The following NMNAT3 variants were observed in gnomAD, a reference collection of about 807,000 sequenced individuals.
NMNAT3 encodes nicotinamide nucleotide adenylyltransferase 3, also known as nicotinamide/nicotinic acid mononucleotide adenylyltransferase 3.
In NMNAT3, 21 loss-of-function variants were observed where a neutral mutation model predicts 24.8. The observed-to-expected ratio is 0.85, with a 90% confidence interval of 0.60 to 1.22. The LOEUF is 1.22. Among genes scored for constraint, NMNAT3 ranks in the 50% most tolerant of loss-of-function variants. The probability of loss-of-function intolerance (pLI) is 0.00; values close to 1 mark genes in which losing one functional copy is unlikely to be tolerated. For missense variants in NMNAT3, 387 were observed against 436.6 expected (o/e 0.89, Z 1.01); for synonymous variants, 136 against 155.2 (o/e 0.88, Z 0.92).
intron 1 of NMNAT3, among the ~76,000 whole-genome samples, chr3:139,664,868 T>C (rs1265656184): frequency 6.6e-6 from 1 of 152,162 alleles, no homozygotes; most frequent in African/African-American, 2.4e-5. Flanking sequence ...ATACATTTCC[T>C]AGCAAAAACA....
intron 2 of NMNAT3, chr3:139,636,465 C>G (rs937413163): frequency 6.6e-6 from 1 of 152,216 alleles, no homozygotes; most frequent in Admixed American, 6.5e-5. Flanking sequence ...AAACCAGACG[C>G]TGTCCTATGT....
intron 3 of NMNAT3, among the ~76,000 whole-genome samples, chr3:139,595,937 C>G (rs1485372042): frequency 6.6e-6 from 1 of 152,166 alleles, no homozygotes; most frequent in East Asian, 1.9e-4. Context: ...AAAGCAATGG[C>G]AACAAAAGCC....
At chr3:139,591,479 G>GGCCT (rs2054176295) in intron 3 of NMNAT3, among the ~76,000 whole-genome samples, 1 of 152,158 alleles carries the variant, frequency 6.6e-6, no homozygotes, top group South Asian at 2.1e-4. Flanking sequence ...AGCTCAAGGA[G>GGCCT]GCCTGCCTGC....
intron 1 of NMNAT3, among the ~76,000 whole-genome samples, chr3:139,649,743 C>T (rs964575674): frequency 6.6e-6 from 1 of 152,108 alleles, no homozygotes; most frequent in Non-Finnish European, 1.5e-5. Flanking sequence ...TCTGAGTGCA[C>T]CCCAAAACAC....
intron 3 of NMNAT3, among the ~76,000 whole-genome samples, chr3:139,605,295 A>G (rs1451157541): frequency 6.6e-6 from 1 of 152,148 alleles, no homozygotes; most frequent in Non-Finnish European, 1.5e-5. Context: ...AACTCTTTCA[A>G]TATACAAATA....
intron 1 of NMNAT3, among the ~76,000 whole-genome samples, chr3:139,641,450 G>T (rs1464570304): frequency 6.6e-6 from 1 of 152,118 alleles, no homozygotes; most frequent in Non-Finnish European, 1.5e-5. Context: ...GAACAGAGAG[G>T]CTGTCCAGAG....
At position 139,573,595 on chromosome 3, in the gene NMNAT3, C is replaced by T. The variant is rs1477304284; in HGVS notation, c.658+3G>A. ...TCCTACAGACAAGAGGATCAGCACCCACCTGCAGGGGTCGAGAAGAGTGCC... is the reference window on the plus strand; with the variant it reads ...TCCTACAGACAAGAGGATCAGCACCTACCTGCAGGGGTCGAGAAGAGTGCC... On this transcript the variant is annotated splice_donor_region_variant and intron_variant, in intron 6 of 6. Coordinates refer to ENST00000643695, the MANE Select transcript of NMNAT3 (RefSeq NM_001320510.2). 1.3e-6 allele frequency: 2 copies of T among 1,571,134 alleles called. No homozygotes were observed. The highest frequency in any genetic ancestry group is 1.7e-6 in the Non-Finnish European group (2 of 1,153,844).
At chr3:139,667,607 T>TA (rs1355381235) in intron 1 of NMNAT3, among the ~76,000 whole-genome samples, 1 of 152,200 alleles carries the variant, frequency 6.6e-6, no homozygotes, top group Non-Finnish European at 1.5e-5. Flanking sequence ...AGCCCCCTTC[T>TA]AACTGCCTCT....
chr3:139,577,271 AATT>A (rs1198711880), intron 5 of NMNAT3, among the ~76,000 whole-genome samples: 1 of 152,202 alleles, frequency 6.6e-6, no homozygotes, highest in Non-Finnish European at 1.5e-5. Context: ...TTTGAGGACA[AATT>A]ATGGGCCAGC....
rs144875500 is a variant in NMNAT3 at position 139,598,072 on chromosome 3, A to T, written c.110-14864T>A. Among the ~76,000 whole-genome samples, 1,521 of 152,362 alleles carry T rather than the reference A, an allele frequency of 1.0e-2. 28 individuals carry two copies. Among genetic ancestry groups the T allele is most frequent in the African/African-American group, 0.033 (1,359 of 41,590 alleles). On this transcript the variant is annotated intron_variant, in intron 3 of 6. Coordinates refer to ENST00000643695, the MANE Select transcript of NMNAT3 (RefSeq NM_001320510.2). ...GGATACTATTTTAAGACTTAAATAA[A>T]TAGAATTAGATAACAGATGAACAGC...
In NMNAT3 at chr3:139,638,029, C is replaced by T. The variant is rs141670934; in HGVS notation, c.-107G>A. ...GAGTGGGAGCCAGGGAGCAGCAGTC[C>T]GCTTCATGGCAGGATCTAGGCTGAA... On this transcript the variant is annotated 5_prime_UTR_variant, in exon 2 of 7. Transcript: ENST00000643695. The T allele has an allele frequency of 1.2e-4, 19 of 152,170 alleles. No individual in the cohort carries two copies. Among genetic ancestry groups the T allele is most frequent in the African/African-American group, 3.1e-4 (13 of 41,514 alleles). The allele number at this position is 152,170 out of a possible 1,614,324, so 9.4% of individuals were successfully genotyped here.
intron 3 of NMNAT3, among the ~76,000 whole-genome samples, chr3:139,618,258 A>G (rs1288741042): frequency 1.3e-5 from 2 of 152,232 alleles, no homozygotes; most frequent in African/African-American, 4.8e-5. Context: ...GCAGTGTATT[A>G]TTAACAATGA....
intron 1 of NMNAT3, among the ~76,000 whole-genome samples, chr3:139,661,455 A>G (rs576375801): frequency 6.6e-6 from 1 of 152,222 alleles, no homozygotes; most frequent in Non-Finnish European, 1.5e-5. Flanking sequence ...GATCACTTGT[A>G]GCCAGGAGTT....
At chr3:139,595,295 C>G (rs1399322719) in intron 3 of NMNAT3, among the ~76,000 whole-genome samples, 3 of 152,128 alleles carry the variant, frequency 2.0e-5, no homozygotes, top group Non-Finnish European at 4.4e-5. Flanking sequence ...CAAACCACTG[C>G]TCAAGGAAAT....
chr3:139,673,958 G>A (rs948670826), intron 1 of NMNAT3, among the ~76,000 whole-genome samples: 1 of 152,092 alleles, frequency 6.6e-6, no homozygotes, highest in East Asian at 1.9e-4. Flanking sequence ...GGCTGAGGAG[G>A]GATTCAGGAA....
intron 3 of NMNAT3, chr3:139,599,213 T>C (rs1196866677): frequency 5.9e-5 from 36 of 611,750 alleles, no homozygotes; most frequent in Non-Finnish European, 1.0e-4. Context: ...AAACTACATG[T>C]GTCAAAACAA....
At chr3:139,572,310 G>A in intron 6 of NMNAT3, 1 of 397,636 alleles carries the variant, frequency 2.5e-6, no homozygotes, top group Non-Finnish European at 4.4e-6. Context: ...TCGGGGATGG[G>A]TGGGAAGGAG....
intron 3 of NMNAT3, chr3:139,584,326 G>C (rs943412332): frequency 6.3e-6 from 1 of 158,992 alleles, no homozygotes; most frequent in Non-Finnish European, 1.5e-5. Flanking sequence ...GCAGCTTTGG[G>C]AGGGATGCAC....
chr3:139,574,111 A>C (rs1194652466), intron 5 of NMNAT3, among the ~76,000 whole-genome samples: 1 of 152,256 alleles, frequency 6.6e-6, no homozygotes, highest in Non-Finnish European at 1.5e-5. Context: ...AAGGTGAATG[A>C]GCCATGCACA....
Sources: gnomAD v4.1 joint callset for allele counts (sites outside exome capture counted in the v4.1 genomes callset) on GRCh38, gnomAD v4.1.1 for gene constraint, MANE v1.5 for transcripts, NCBI Gene and HGNC (gene_info 2026-07-23, HGNC 2026-07-21) for gene names.